OCA2: variants seen among roughly 807,000 people sequenced by gnomAD.
The protein encoded by OCA2 is P protein.
Under a neutral mutation model 100.2 loss-of-function variants are expected in OCA2, and 77 were observed. The observed-to-expected ratio is 0.77, with a 90% CI of 0.64 to 0.93. OCA2 has a LOEUF of 0.93. Ranked by LOEUF, OCA2 falls within the 40% of genes least tolerant of loss-of-function variation. OCA2 has a pLI of 0.00. For missense variants in OCA2, 1,062 were observed against 1,089.1 expected (o/e 0.98, Z 0.35); for synonymous variants, 432 against 439.2 (o/e 0.98, Z 0.21).
intron 1 of OCA2, among the ~76,000 whole-genome samples, chr15:28,085,986 G>A (rs1309343715): frequency 6.6e-6 from 1 of 152,150 alleles, no homozygotes; most frequent in Non-Finnish European, 1.5e-5. Context: ...GGCTGAGTGG[G>A]CACCCTCCAA....
chr15:27,892,160 T>C (rs944741245), intron 19 of OCA2, among the ~76,000 whole-genome samples: 4 of 152,104 alleles, frequency 2.6e-5, no homozygotes, highest in South Asian at 4.1e-4. Context: ...ATAGAAATGC[T>C]ACACAGAAAA....
At chr15:27,829,275 TAGATGATAGATAGATA>T (rs2034853076) in intron 23 of OCA2, among the ~76,000 whole-genome samples, 2 of 138,924 alleles carry the variant, frequency 1.4e-5, no homozygotes, top group African/African-American at 5.3e-5. Flanking sequence ...AGATAGAAGA[TAGATGATAGATAGATA>T]GATAGATAGA....
Position 27,899,842 on chromosome 15 carries a change from C to G in OCA2, c.2079+26285G>C, listed in dbSNP as rs1175870929. 2.0e-5 allele frequency among the ~76,000 whole-genome samples: 3 copies of G among 152,318 alleles called. No homozygotes were observed. The East Asian group carries it at 5.8e-4, about 29-fold the overall frequency. ...ATGTCACTATCTCTGTCACAGCCCACTGGGAAGCACTGGTGTGGGAAACAA... is the reference window on the plus strand; with the variant it reads ...ATGTCACTATCTCTGTCACAGCCCAGTGGGAAGCACTGGTGTGGGAAACAA... On this transcript the variant is annotated intron_variant, in intron 19 of 23. Transcript: ENST00000354638.
At chr15:27,953,435 C>T (rs149771494) in intron 17 of OCA2, among the ~76,000 whole-genome samples, 1,573 of 152,222 alleles carry the variant, frequency 0.01, 31 homozygotes, top group African/African-American at 0.035. Context: ...TGGGGAAGGC[C>T]GATTTTCCTA....
At chr15:27,832,050 G>A (rs1274883856) in intron 23 of OCA2, among the ~76,000 whole-genome samples, 2 of 151,732 alleles carry the variant, frequency 1.3e-5, no homozygotes, top group African/African-American at 4.8e-5. Flanking sequence ...CTCTATGCTT[G>A]CACACTCGCC....
At chr15:27,948,383 C>A (rs1348202250) in intron 18 of OCA2, among the ~76,000 whole-genome samples, 1 of 152,154 alleles carries the variant, frequency 6.6e-6, no homozygotes, top group Non-Finnish European at 1.5e-5. Flanking sequence ...GAAATCAACC[C>A]AGAGAATAAA....
chr15:27,857,110 T>G (rs2035975662), intron 21 of OCA2, among the ~76,000 whole-genome samples: 1 of 152,172 alleles, frequency 6.6e-6, no homozygotes, highest in Non-Finnish European at 1.5e-5. Flanking sequence ...GTTCAATAAC[T>G]ACAGGAAACC....
chr15:27,836,265 G>C (rs1224205067), intron 23 of OCA2, among the ~76,000 whole-genome samples: 5 of 152,246 alleles, frequency 3.3e-5, no homozygotes, highest in East Asian at 1.9e-4. Context: ...AAAAGGGCAG[G>C]GGGTGAGTGG....
intron 23 of OCA2, among the ~76,000 whole-genome samples, chr15:27,827,608 T>C (rs2034783841): frequency 6.6e-6 from 1 of 151,720 alleles, no homozygotes; most frequent in Non-Finnish European, 1.5e-5. Context: ...ACCATCATGA[T>C]GCTGTGGGTT....
intron 3 of OCA2, among the ~76,000 whole-genome samples, chr15:28,030,888 T>C (rs2042890134): frequency 6.6e-6 from 1 of 152,264 alleles, no homozygotes; most frequent in Non-Finnish European, 1.5e-5. Context: ...GCCTTTTCTC[T>C]GATTCTAGAT....
At chr15:27,986,504 T>C in intron 12 of OCA2, 83 bp downstream of exon 12, 3 of 958,622 alleles carry the variant, frequency 3.1e-6, no homozygotes, top group South Asian at 2.8e-5. Flanking sequence ...GTTTTAAATG[T>C]TTGTTTCCTA....
the OCA2 span, among the ~76,000 whole-genome samples, chr15:27,732,314 A>G: frequency 6.6e-6 from 1 of 152,202 alleles, no homozygotes; most frequent in African/African-American, 2.4e-5. Flanking sequence ...GTTGGTTTCT[A>G]TCTTCAGCAC....
At chr15:28,013,717 G>A (rs1042615456) in intron 9 of OCA2, among the ~76,000 whole-genome samples, 1 of 152,152 alleles carries the variant, frequency 6.6e-6, no homozygotes, top group African/African-American at 2.4e-5. Flanking sequence ...AGGCTCAGCA[G>A]GTTTCCACTG....
At chr15:27,953,077 T>C (rs1195141986) in intron 17 of OCA2, among the ~76,000 whole-genome samples, 1 of 152,192 alleles carries the variant, frequency 6.6e-6, no homozygotes, top group Non-Finnish European at 1.5e-5. Flanking sequence ...ACAGCAATGA[T>C]GATGAATGTC....
intron 18 of OCA2, among the ~76,000 whole-genome samples, chr15:27,940,345 C>T (rs1295373367): frequency 6.6e-6 from 1 of 152,196 alleles, no homozygotes; most frequent in East Asian, 1.9e-4. Context: ...GGTTTCCAGC[C>T]CTGTAGTTAG....
At chr15:27,955,039 T>C in intron 17 of OCA2, 119 bp downstream of exon 17, 1 of 820,028 alleles carries the variant, frequency 1.2e-6, no homozygotes, top group Admixed American at 1.7e-5. Flanking sequence ...ACGTCTTGTG[T>C]ATAACCACAG....
At position 27,951,829 on chromosome 15, in the gene OCA2, T is replaced by G. The variant is rs750047317; in HGVS notation, c.1906A>C (p.Met636Leu). ...CLTVLGFVIF[M>L]FFLNSFVPGI... ...GGGACAAACGAATTGAGGAAAAACA[T>G]GAAGATAACAAATCCCAACACTGTC... The change falls in exon 18 of 24, where the codon ATG (methionine) becomes CTG (leucine). Residue 636 changes from methionine to leucine, a missense_variant. Met to Leu is a conservative substitution (Grantham distance 15, BLOSUM62 2). Transcript: ENST00000354638. 6.2e-7 allele frequency: 1 copy of G among 1,613,718 alleles called. No homozygotes were observed. The highest frequency in any genetic ancestry group is 1.7e-5 in the Admixed American group (1 of 59,990).
intron 2 of OCA2, among the ~76,000 whole-genome samples, chr15:28,064,598 C>G (rs939970357): frequency 6.6e-6 from 1 of 152,038 alleles, no homozygotes; most frequent in Non-Finnish European, 1.5e-5. Flanking sequence ...CTTTTCAGCT[C>G]AAGAATTTCT....
intron 19 of OCA2, among the ~76,000 whole-genome samples, chr15:27,892,400 G>C (rs994490818): frequency 2.0e-5 from 3 of 152,042 alleles, no homozygotes; most frequent in African/African-American, 7.2e-5. Flanking sequence ...GAAACTAACA[G>C]AAAGACAATA....
Sources: allele counts gnomAD v4.1 joint callset (sites outside exome capture counted in the v4.1 genomes callset), GRCh38; gene constraint gnomAD v4.1.1; transcripts MANE v1.5; gene names NCBI Gene and HGNC (gene_info 2026-07-23, HGNC 2026-07-21).